PRDM8: variants seen among roughly 807,000 people sequenced by gnomAD.
The protein encoded by PRDM8 is PR/SET domain 8.
In PRDM8, 13 loss-of-function variants were observed where a neutral mutation model predicts 46.5. The ratio of observed to expected loss-of-function variants is 0.28; its 90% CI spans 0.18 to 0.44. PRDM8 has a LOEUF of 0.44. Ranked by LOEUF, PRDM8 falls within the 20% of genes least tolerant of loss-of-function variation. The pLI is 1.00. For synonymous variants in PRDM8, 473 were observed against 438.4 expected, an observed-to-expected ratio of 1.08 and a Z score of -0.98; for missense variants, 998 against 955.0, an observed-to-expected ratio of 1.04 and a Z score of -0.59.
At chr4:80,197,367 G>A (rs896905461), upstream of PRDM8, 3 of 971,068 alleles carry the variant, frequency 3.1e-6, no homozygotes, top group African/African-American at 3.5e-5. Flanking sequence ...CAGGCCGGGG[G>A]AAAAAGCTGC....
chr4:80,188,982 C>T (rs554931445), intron 1 of PRDM8, among the ~76,000 whole-genome samples: 105 of 152,326 alleles, frequency 6.9e-4, no homozygotes, highest in African/African-American at 2.4e-3. Context: ...CTCCGGGCAT[C>T]AGTTACCTCG....
chr4:80,197,134 C>T (rs1213171478), upstream of PRDM8: 4 of 985,380 alleles, frequency 4.1e-6, no homozygotes, highest in Non-Finnish European at 4.8e-6. Context: ...GCACGGGGTC[C>T]GCACGCGCTG....
At chr4:80,191,276 G>T (rs1737520558) in intron 1 of PRDM8, among the ~76,000 whole-genome samples, 1 of 152,168 alleles carries the variant, frequency 6.6e-6, no homozygotes, top group South Asian at 2.1e-4. Context: ...CAGGTATAAA[G>T]TTATTCAGGC....
chr4:80,201,494 C>G lies in PRDM8; in HGVS notation c.424C>G (p.Pro142Ala). The G allele has an allele frequency of 6.2e-7, 1 of 1,614,050 alleles. No homozygotes were observed. Among genetic ancestry groups the G allele is most frequent in the Non-Finnish European group, 8.5e-7 (1 of 1,179,910 alleles). Residue 142 changes from proline (P) to alanine (A), a missense_variant, in exon 3 of 4, where the codon CCC (proline) becomes GCC (alanine). Transcript: ENST00000415738. ...KELTELLLLCPSRSHNKMNGS... is the reference protein window; with the variant it reads ...KELTELLLLCASRSHNKMNGS... Reference sequence around the variant, plus strand: ...ACTGACTGAGTTACTCTTGCTCTGCCCCTCTAGATCCCACAACAAAATGAA... The same window carrying G: ...ACTGACTGAGTTACTCTTGCTCTGCGCCTCTAGATCCCACAACAAAATGAA...
chr4:80,200,509 G>C (rs938335527), intron 2 of PRDM8, among the ~76,000 whole-genome samples: 1 of 152,204 alleles, frequency 6.6e-6, no homozygotes, highest in African/African-American at 2.4e-5. Context: ...GACAAAATTT[G>C]ATTTGGAATG....
intron 2 of PRDM8, among the ~76,000 whole-genome samples, chr4:80,192,385 G>A (rs1353296090): frequency 1.3e-5 from 2 of 152,218 alleles, no homozygotes; most frequent in Non-Finnish European, 2.9e-5. Flanking sequence ...GCTGTGTGAA[G>A]AAATTTGATG....
In PRDM8 at chr4:80,201,479, T is replaced by A; in HGVS notation, c.409T>A (p.Leu137Ile). The change falls in exon 3 of 4, where the codon TTA becomes ATA. Residue 137 changes from leucine (L) to isoleucine (I), a missense_variant. Physicochemically the swap from Leu to Ile is conservative, Grantham distance 5 (BLOSUM62 2). Transcript: ENST00000415738. The part of the protein sequence containing the change: ...LVWYGKELTE[L>I]LLLCPSRSHN... ...TTGGTACGGGAAAGAACTGACTGAG[T>A]TACTCTTGCTCTGCCCCTCTAGATC... The A allele has an allele frequency of 1.2e-6, 2 of 1,614,050 alleles. No individual in the cohort carries two copies. Among genetic ancestry groups the A allele is most frequent in the Non-Finnish European group, 1.7e-6 (2 of 1,179,942 alleles).
At position 80,199,358 on chromosome 4, in the gene PRDM8, G is replaced by GA. The variant is rs796182685; in HGVS notation, c.-2-712dup. 7.9e-5 allele frequency among the ~76,000 whole-genome samples: 12 copies of GA among 151,070 alleles called. 1 individual carries two copies. The highest frequency in any genetic ancestry group is 2.2e-4 in the African/African-American group (9 of 41,182). ...TCTCATCCATAAATAAGCACGTCCAGAAAAAAAAATTACCTCTGCTTGCTG... is the reference window on the plus strand; with the variant it reads ...TCTCATCCATAAATAAGCACGTCCAGAAAAAAAAAATTACCTCTGCTTGCTG... On this transcript the variant is annotated intron_variant, in intron 1 of 3. Transcript: ENST00000415738.
chr4:80,203,706 G>A lies in PRDM8; in HGVS notation c.*174G>A, dbSNP rs1738768061. ...GCACACACACGTCCTCTCCTCCCAG[G>A]AACCTCATTCAAATATTTACCCGGG... is the stretch of plus-strand genomic sequence containing the variant. On this transcript the variant is annotated 3_prime_UTR_variant, in exon 4 of 4. Transcript: ENST00000415738. The A allele has an allele frequency of 2.8e-6, 3 of 1,079,704 alleles. No homozygotes were observed. Among genetic ancestry groups the A allele is most frequent in the South Asian group, 1.7e-5 (1 of 57,832 alleles). The allele number at this position is 1,079,704 out of a possible 1,614,324, so 66.9% of individuals were successfully genotyped here. A position where few individuals can be genotyped will look rare whatever the true frequency, so the allele number is the denominator to read the frequency against.
rs70944766 is a variant in PRDM8, at chr4:80,186,430, G to GGAGAGAGA, written c.-983+931_-983+938dup. ...AGAAGGGAGAGAGAGAAGGCAGGGT[G>GGAGAGAGA]GAGAGAGAGAGAGAGAGAGAGAGAG... On this transcript the variant is annotated intron_variant, in intron 1 of 9. Transcript: ENST00000339711. 8.7e-3 allele frequency among the ~76,000 whole-genome samples: 1,128 copies of GGAGAGAGA among 129,988 alleles called. 41 individuals carry two copies. Among genetic ancestry groups the GGAGAGAGA allele is most frequent in the East Asian group, 0.061 (252 of 4,146 alleles). 85.3% of individuals were successfully genotyped at this position (129,988 alleles called of 152,430 possible). A position where few individuals can be genotyped will look rare whatever the true frequency, so the allele number is the denominator to read the frequency against.
chr4:80,201,318 CAGA>C lies in PRDM8; in HGVS notation c.251_253del (p.Glu84del). 2.5e-6 allele frequency: 4 copies of C among 1,614,234 alleles called. No individual in the cohort carries two copies. The highest frequency in any genetic ancestry group is 3.4e-6 in the Non-Finnish European group (4 of 1,180,046). ...GACACCTCAGCAGCAAATGGTTCCTCAGAAGGTCTCATGTGGCTGCGGTTGGTC... is the reference window on the plus strand; with the variant it reads ...GACACCTCAGCAGCAAATGGTTCCTCAGGTCTCATGTGGCTGCGGTTGGTC... On this transcript the variant is annotated inframe_deletion, in exon 3 of 4. Coordinates refer to ENST00000415738, the MANE Select transcript of PRDM8 (RefSeq NM_001099403.2).
upstream of PRDM8, chr4:80,196,362 T>G (rs527374031): frequency 9.1e-6 from 9 of 985,474 alleles, no homozygotes; most frequent in East Asian, 5.7e-4. Flanking sequence ...GAGTAGAGAA[T>G]TGAACTGTGA....
intron 1 of PRDM8, chr4:80,185,562 G>A (rs72656521): frequency 6.6e-6 from 1 of 152,282 alleles, no homozygotes; most frequent in African/African-American, 2.4e-5. Flanking sequence ...TGGAGGAAGG[G>A]CCTCATGCAC....
rs778245159 is a variant in PRDM8 at position 80,197,575 on chromosome 4, C to T, written c.-191C>T. On this transcript the variant is annotated 5_prime_UTR_variant, in exon 1 of 4. Coordinates refer to ENST00000415738, the MANE Select transcript of PRDM8 (RefSeq NM_001099403.2). ...TCTCTCCCTCCCTCCCTCCCTCCAC[C>T]CCCCCAATCTTTTTCTCCCCATCTC... is the stretch of plus-strand genomic sequence containing the variant. 2 of 976,260 alleles carry T rather than the reference C, an allele frequency of 2.0e-6. No homozygotes were observed. The highest frequency in any genetic ancestry group is 3.5e-5 in the African/African-American group (2 of 56,938). The allele number at this position is 976,260 out of a possible 1,614,324, so 60.5% of individuals were successfully genotyped here.
chr4:80,198,072 C>T (rs1738103177), intron 1 of PRDM8, among the ~76,000 whole-genome samples: 1 of 152,142 alleles, frequency 6.6e-6, no homozygotes, highest in African/African-American at 2.4e-5. Flanking sequence ...CCAGGGCAGG[C>T]GGATAAGAAC....
rs747646487 is a variant in PRDM8, at chr4:80,203,559, C to T, written c.*27C>T. ...TCGGAAAGGACCCCAGCTTTCCACG[C>T]GCGCGCAAGCACAGTTAAGCCACCT... is the stretch of plus-strand genomic sequence containing the variant. On this transcript the variant is annotated 3_prime_UTR_variant, in exon 4 of 4. Coordinates refer to ENST00000415738, the MANE Select transcript of PRDM8 (RefSeq NM_001099403.2). 1 of 1,580,224 alleles carries T rather than the reference C, an allele frequency of 6.3e-7. No individual in the cohort carries two copies. Among genetic ancestry groups the T allele is most frequent in the African/African-American group, 1.3e-5 (1 of 74,176 alleles).
At chr4:80,187,219 G>T (rs1737165333) in intron 1 of PRDM8, among the ~76,000 whole-genome samples, 1 of 143,788 alleles carries the variant, frequency 7.0e-6, no homozygotes, top group Admixed American at 7.1e-5. Context: ...ACCCCAGGTT[G>T]TTGCTGTATC....
Position 80,197,743 on chromosome 4 carries a change from T to C in PRDM8, c.-23T>C, listed in dbSNP as rs1366742144. On this transcript the variant is annotated 5_prime_UTR_variant, in exon 1 of 4. Transcript: ENST00000415738. ...TTCCAGGTGGCCTTATTTGGGAGAT[T>C]CTATACTGACCTTATTCCTGGTAAG... 6.1e-6 allele frequency: 6 copies of C among 985,018 alleles called. No individual in the cohort carries two copies. Among genetic ancestry groups the C allele is most frequent in the Non-Finnish European group, 7.2e-6 (6 of 829,278 alleles). The allele number at this position is 985,018 out of a possible 1,614,324, so 61.0% of individuals were successfully genotyped here.
At chr4:80,190,758 A>C (rs1737481164) in intron 1 of PRDM8, among the ~76,000 whole-genome samples, 1 of 152,194 alleles carries the variant, frequency 6.6e-6, no homozygotes, top group Non-Finnish European at 1.5e-5. Flanking sequence ...TCCCAAACTT[A>C]GGACTCAAAC....
Sources: allele counts gnomAD v4.1 joint callset (sites outside exome capture counted in the v4.1 genomes callset), GRCh38; gene constraint gnomAD v4.1.1; transcripts MANE v1.5; gene names NCBI Gene and HGNC (gene_info 2026-07-23, HGNC 2026-07-21).